The following NUDCD1 variants were observed in gnomAD, a reference collection of about 807,000 sequenced individuals.
NUDCD1 encodes the protein NudC domain containing 1.
Under a neutral mutation model 67.8 loss-of-function variants are expected in NUDCD1, and 60 were observed. That is an observed-to-expected ratio of 0.88 (90% confidence interval 0.72 to 1.10). The LOEUF (loss-of-function observed/expected upper bound fraction) is 1.10. NUDCD1 is among the 50% of genes least tolerant of loss of function. The probability of loss-of-function intolerance (pLI) is 0.00; values close to 1 mark genes in which losing one functional copy is unlikely to be tolerated. For synonymous variants in NUDCD1, 244 were observed against 230.8 expected (o/e 1.06, Z -0.52); for missense variants, 643 against 695.0 (o/e 0.93, Z 0.84).
chr8:109,295,440 G>A (rs746693369), intron 3 of NUDCD1, among the ~76,000 whole-genome samples: 3 of 152,134 alleles, frequency 2.0e-5, no homozygotes, highest in Non-Finnish European at 2.9e-5. Flanking sequence ...AACTGTGAAT[G>A]CAACAGGCTC....
chr8:109,321,281 A>T (rs1004540971), intron 2 of NUDCD1, among the ~76,000 whole-genome samples: 2 of 152,152 alleles, frequency 1.3e-5, no homozygotes, highest in African/African-American at 4.8e-5. Context: ...CCAGCATATG[A>T]AGGTGAAAAA....
At chr8:109,329,681 T>C in intron 1 of NUDCD1, 1 of 796,616 alleles carries the variant, frequency 1.3e-6, no homozygotes, top group Non-Finnish European at 1.9e-6. Context: ...ATTGTGGTGA[T>C]GATTTCACGG....
chr8:109,241,983 G>A lies in NUDCD1; in HGVS notation c.*1026C>T, dbSNP rs1276782991. ...TTTGAAAAAACAAAATTTGTGGCAA[G>A]AAACTATAACATATAAACAGGATTA... is the stretch of plus-strand genomic sequence containing the variant. On this transcript the variant is annotated 3_prime_UTR_variant, in exon 10 of 10. Coordinates refer to ENST00000239690, the MANE Select transcript of NUDCD1 (RefSeq NM_032869.4). The A allele has an allele frequency of 5.0e-6, 2 of 397,068 alleles. No homozygotes were observed. The highest frequency in any genetic ancestry group is 7.1e-5 in the East Asian group (2 of 28,052). The allele number at this position is 397,068 out of a possible 1,614,324, so 24.6% of individuals were successfully genotyped here.
chr8:109,310,267 T>C (rs1419837998), intron 2 of NUDCD1, among the ~76,000 whole-genome samples: 2 of 151,706 alleles, frequency 1.3e-5, no homozygotes, highest in African/African-American at 2.4e-5. Flanking sequence ...GGTATAAAAA[T>C]AGGCACACAG....
At chr8:109,304,745 A>G (rs1225377229) in intron 2 of NUDCD1, among the ~76,000 whole-genome samples, 1 of 152,116 alleles carries the variant, frequency 6.6e-6, no homozygotes, top group Non-Finnish European at 1.5e-5. Flanking sequence ...GGGCCATCAA[A>G]AGGCATCAGA....
intron 2 of NUDCD1, 87 bp from the exon 3 acceptor site, chr8:109,296,656 C>T (rs1411862572): frequency 4.3e-6 from 4 of 939,174 alleles, no homozygotes; most frequent in Non-Finnish European, 6.4e-6. Flanking sequence ...GGTGGTTTCT[C>T]TCCTTTTTAA....
chr8:109,315,711 T>C (rs1230706562), intron 2 of NUDCD1: 1 of 152,174 alleles, frequency 6.6e-6, no homozygotes, highest in Non-Finnish European at 1.5e-5. Flanking sequence ...CATGTACACA[T>C]GTTAAAATAT....
intron 1 of NUDCD1, among the ~76,000 whole-genome samples, chr8:109,324,648 T>C (rs1046761239): frequency 4.6e-5 from 7 of 152,060 alleles, no homozygotes; most frequent in South Asian, 2.1e-4. Flanking sequence ...AGCCAAGACA[T>C]GGGGGAAACC....
At chr8:109,316,488 G>A (rs561456799) in intron 2 of NUDCD1, 74 of 152,158 alleles carry the variant, frequency 4.9e-4, no homozygotes, top group African/African-American at 1.7e-3. Context: ...AGCCTGTCTA[G>A]GATTTGTGCA....
chr8:109,266,637 T>C lies in NUDCD1; in HGVS notation c.1299+4368A>G, dbSNP rs557989786. On this transcript the variant is annotated intron_variant, in intron 8 of 9. Coordinates refer to ENST00000239690, the MANE Select transcript of NUDCD1 (RefSeq NM_032869.4). ...CACATTTCAATGCAGACTAGCCACA[T>C]TTCAATTGCTCAATAGTCACCATAT... is the stretch of plus-strand genomic sequence containing the variant. Among the ~76,000 whole-genome samples the C allele has an allele frequency of 7.9e-5, 12 of 152,264 alleles. No homozygotes were observed. The East Asian group carries it at 1.2e-3, about 15-fold the overall frequency.
chr8:109,326,788 T>A (rs1034016604), intron 1 of NUDCD1, among the ~76,000 whole-genome samples: 1 of 152,190 alleles, frequency 6.6e-6, no homozygotes, highest in Non-Finnish European at 1.5e-5. Flanking sequence ...TAGTTTTTCA[T>A]TCATAAATTA....
At chr8:109,246,030 T>C (rs1210600036) in intron 8 of NUDCD1, among the ~76,000 whole-genome samples, 3 of 152,146 alleles carry the variant, frequency 2.0e-5, no homozygotes, top group Non-Finnish European at 4.4e-5. Context: ...CTGTCTGCCT[T>C]ATGAGAATCT....
intron 5 of NUDCD1, among the ~76,000 whole-genome samples, chr8:109,287,197 A>AT (rs1476319289): frequency 1.3e-5 from 2 of 152,218 alleles, no homozygotes; most frequent in African/African-American, 4.8e-5. Flanking sequence ...GGGAATGTCA[A>AT]TTAATTCAGC....
At chr8:109,292,989 A>T (rs1478342995) in intron 4 of NUDCD1, among the ~76,000 whole-genome samples, 1 of 152,042 alleles carries the variant, frequency 6.6e-6, no homozygotes, top group Non-Finnish European at 1.5e-5. Flanking sequence ...ATTATACTAT[A>T]ATGTATTAAT....
At chr8:109,258,794 C>A (rs1242534260) in intron 8 of NUDCD1, among the ~76,000 whole-genome samples, 1 of 151,902 alleles carries the variant, frequency 6.6e-6, no homozygotes, top group African/African-American at 2.4e-5. Context: ...TTTTAAGAAT[C>A]AAAAAATATA....
intron 5 of NUDCD1, among the ~76,000 whole-genome samples, chr8:109,282,240 C>T (rs1318977237): frequency 6.6e-6 from 1 of 152,158 alleles, no homozygotes; most frequent in East Asian, 1.9e-4. Flanking sequence ...AGCCCATTGC[C>T]TGAGGCAATA....
chr8:109,305,432 G>A (rs1815080690), intron 2 of NUDCD1, among the ~76,000 whole-genome samples: 1 of 151,974 alleles, frequency 6.6e-6, no homozygotes, highest in Non-Finnish European at 1.5e-5. Flanking sequence ...ACCCCTTACT[G>A]TCCTCAATCT....
chr8:109,277,570 A>C (rs1814322791), intron 6 of NUDCD1, among the ~76,000 whole-genome samples: 1 of 152,234 alleles, frequency 6.6e-6, no homozygotes, highest in Non-Finnish European at 1.5e-5. Context: ...AGGTACGAAT[A>C]ATTTACTCAA....
In NUDCD1 at chr8:109,251,362, G is replaced by A. The variant is rs148221270; in HGVS notation, c.1300-5881C>T. Among the ~76,000 whole-genome samples the A allele has an allele frequency of 1.2e-3, 178 of 151,750 alleles. 1 individual carries two copies. The highest frequency in any genetic ancestry group is 4.0e-3 in the African/African-American group (167 of 41,370). ...TAATTTTTGTATTTTTAGTAGAGAC[G>A]GGGTTTCACCATCTTGGCCAGGCTG... On this transcript the variant is annotated intron_variant, in intron 8 of 9. Coordinates refer to ENST00000239690, the MANE Select transcript of NUDCD1 (RefSeq NM_032869.4).
Sources: allele counts gnomAD v4.1 joint callset (sites outside exome capture counted in the v4.1 genomes callset), GRCh38; gene constraint gnomAD v4.1.1; transcripts MANE v1.5; gene names NCBI Gene and HGNC (gene_info 2026-07-23, HGNC 2026-07-21).